Variants in NPTN observed in about 807,000 individuals in gnomAD.
NPTN encodes the protein neuroplastin.
NPTN carries 5 observed loss-of-function variants against 42.7 expected under a neutral mutation model. The ratio of observed to expected loss-of-function variants is 0.12; its 90% confidence interval spans 0.06 to 0.25. The LOEUF is 0.25. Ranked by LOEUF, NPTN falls within the 10% of genes least tolerant of loss-of-function variation. The probability of loss-of-function intolerance (pLI) is 1.00; values close to 1 mark genes in which losing one functional copy is unlikely to be tolerated. For missense variants in NPTN, 307 were observed against 525.4 expected (o/e 0.58, Z 4.06); for synonymous variants, 180 against 201.9 (o/e 0.89, Z 0.92).
intron 6 of NPTN, chr15:73,563,642 C>G: frequency 2.0e-6 from 2 of 978,466 alleles, no homozygotes; most frequent in Non-Finnish European, 2.5e-6. Flanking sequence ...TGTTTGTTTT[C>G]TTGTGGTGAA....
intron 1 of NPTN, among the ~76,000 whole-genome samples, chr15:73,615,213 G>C (rs1360466155): frequency 6.6e-6 from 1 of 151,062 alleles, no homozygotes; most frequent in African/African-American, 2.4e-5. Flanking sequence ...GCCAGGGATG[G>C]ACAGGGAATA....
chr15:73,588,619 C>A (rs1218281175), intron 3 of NPTN, among the ~76,000 whole-genome samples: 4 of 152,170 alleles, frequency 2.6e-5, no homozygotes, highest in African/African-American at 9.7e-5. Context: ...CACCTCAAAA[C>A]CTCCACACAA....
At chr15:73,618,407 A>C (rs1327460854) in intron 1 of NPTN, among the ~76,000 whole-genome samples, 1 of 152,250 alleles carries the variant, frequency 6.6e-6, no homozygotes, top group Admixed American at 6.5e-5. Context: ...CTTTTATATT[A>C]CACTTAGAAT....
chr15:73,613,874 C>G (rs1897722555), intron 1 of NPTN, among the ~76,000 whole-genome samples: 1 of 151,910 alleles, frequency 6.6e-6, no homozygotes, highest in Admixed American at 6.6e-5. Flanking sequence ...TTAGTAGAGA[C>G]AGGGTTTCAC....
chr15:73,593,362 C>T (rs1486527649), intron 2 of NPTN, among the ~76,000 whole-genome samples: 2 of 152,172 alleles, frequency 1.3e-5, no homozygotes, highest in Non-Finnish European at 2.9e-5. Context: ...GTGAAGTCTA[C>T]ACTAACCATC....
chr15:73,568,318 AAAAT>A (rs1895155934), intron 6 of NPTN: 1 of 985,314 alleles, frequency 1.0e-6, no homozygotes, highest in African/African-American at 1.7e-5. Context: ...TTAAAATTTA[AAAAT>A]CAGGTTCTGA....
At chr15:73,607,729 A>G (rs962286809) in intron 1 of NPTN, among the ~76,000 whole-genome samples, 2 of 152,228 alleles carry the variant, frequency 1.3e-5, no homozygotes, top group African/African-American at 4.8e-5. Flanking sequence ...GAACTTTGTC[A>G]TTACATACAA....
At chr15:73,577,986 G>C (rs999857655) in intron 4 of NPTN, among the ~76,000 whole-genome samples, 1 of 152,164 alleles carries the variant, frequency 6.6e-6, no homozygotes, top group African/African-American at 2.4e-5. Flanking sequence ...GAAGGGAGTA[G>C]GTCACACATA....
chr15:73,566,907 G>A, intron 6 of NPTN: 1 of 512,414 alleles, frequency 2.0e-6, no homozygotes, highest in Non-Finnish European at 2.5e-6. Flanking sequence ...GATCCTCAAA[G>A]AGACCATACA....
chr15:73,624,244 T>C (rs1566992053), intron 1 of NPTN, among the ~76,000 whole-genome samples: 1 of 152,234 alleles, frequency 6.6e-6, no homozygotes, highest in African/African-American at 2.4e-5. Context: ...GATCACTATG[T>C]TATTTGTGTA....
chr15:73,623,450 G>A (rs1898233926), intron 1 of NPTN, among the ~76,000 whole-genome samples: 1 of 152,194 alleles, frequency 6.6e-6, no homozygotes, highest in Admixed American at 6.5e-5. Context: ...ACTTTGGGAG[G>A]CACAGGCAGG....
At position 73,607,903 on chromosome 15, in the gene NPTN, C is replaced by CT. The variant is rs139588831; in HGVS notation, c.92-10535dup. On this transcript the variant is annotated intron_variant, in intron 1 of 8. Transcript: ENST00000345330. ...GTGCTGCTGCTCCAGGGACCATACTCTGACAATATCTTGGAGAATCTGAAA... is the reference window on the plus strand; with the variant it reads ...GTGCTGCTGCTCCAGGGACCATACTCTTGACAATATCTTGGAGAATCTGAAA... Among the ~76,000 whole-genome samples, 598 of 152,282 alleles carry CT rather than the reference C, an allele frequency of 3.9e-3. 4 individuals carry two copies. The highest frequency in any genetic ancestry group is 0.014 in the African/African-American group (582 of 41,554).
chr15:73,590,093 C>T (rs190167906), intron 3 of NPTN, among the ~76,000 whole-genome samples: 150 of 152,142 alleles, frequency 9.9e-4, no homozygotes, highest in African/African-American at 3.6e-3. Flanking sequence ...ACACTTGAGT[C>T]CATGCCTATA....
chr15:73,583,444 T>C (rs1407489185), intron 4 of NPTN, among the ~76,000 whole-genome samples: 1 of 152,130 alleles, frequency 6.6e-6, no homozygotes, highest in Non-Finnish European at 1.5e-5. Flanking sequence ...GAGATAATAA[T>C]TGCACTTATC....
chr15:73,591,926 ACTCCCTCCCAC>A (rs1566972708), intron 3 of NPTN, 29 bp downstream of exon 3: 1 of 1,567,554 alleles, frequency 6.4e-7, no homozygotes. Context: ...GCTCAGCCAC[ACTCCCTCCCAC>A]CTTCCCAGGA....
At chr15:73,572,576 G>A (rs975446316) in intron 5 of NPTN, among the ~76,000 whole-genome samples, 31 of 152,078 alleles carry the variant, frequency 2.0e-4, no homozygotes, top group African/African-American at 6.3e-4. Flanking sequence ...CTGTGTTGCA[G>A]GAATGTACTA....
rs1249993109 is a variant in NPTN at position 73,560,022 on chromosome 15, A to G, written c.*1041T>C. Reference sequence around the variant, plus strand: ...AAAGAGTATTATCCAAACACCTTTTATCAATGTTTTATTTTTAAAAACAGG... The same window carrying G: ...AAAGAGTATTATCCAAACACCTTTTGTCAATGTTTTATTTTTAAAAACAGG... On this transcript the variant is annotated 3_prime_UTR_variant, in exon 9 of 9. Transcript: ENST00000345330. The G allele has an allele frequency of 1.8e-6, 2 of 1,082,170 alleles. No homozygotes were observed. The highest frequency in any genetic ancestry group is 1.7e-5 in the African/African-American group (1 of 59,662). 67.0% of individuals were successfully genotyped at this position (1,082,170 alleles called of 1,614,324 possible). A position where few individuals can be genotyped will look rare whatever the true frequency, so the allele number is the denominator to read the frequency against.
At chr15:73,615,796 T>C (rs1392643984) in intron 1 of NPTN, among the ~76,000 whole-genome samples, 1 of 152,166 alleles carries the variant, frequency 6.6e-6, no homozygotes, top group Non-Finnish European at 1.5e-5. Context: ...GCAGTAGGTT[T>C]CCAGTTCTTA....
intron 5 of NPTN, among the ~76,000 whole-genome samples, chr15:73,571,434 T>G (rs1263672916): frequency 6.6e-6 from 1 of 152,160 alleles, no homozygotes; most frequent in East Asian, 1.9e-4. Flanking sequence ...AAGGGATGAC[T>G]GATTTCAGGA....
Sources: allele counts gnomAD v4.1 joint callset (sites outside exome capture counted in the v4.1 genomes callset), GRCh38; gene constraint gnomAD v4.1.1; transcripts MANE v1.5; gene names NCBI Gene and HGNC (gene_info 2026-07-23, HGNC 2026-07-21).